Variants in LRMDA observed in about 807,000 individuals in gnomAD.
LRMDA encodes leucine-rich melanocyte differentiation-associated protein.
Under a neutral mutation model 29.8 loss-of-function variants are expected in LRMDA, and 18 were observed. The observed-to-expected ratio is 0.60, with a 90% CI of 0.42 to 0.90. The LOEUF (loss-of-function observed/expected upper bound fraction) is 0.90, where lower values mean the gene tolerates loss of function less well. LRMDA is among the 40% of genes least tolerant of loss of function. The pLI, the probability that LRMDA is intolerant of heterozygous loss-of-function variation, is 0.00. For missense variants in LRMDA, 273 were observed against 273.9 expected, an observed-to-expected ratio of 1.00 and a Z score of 0.02; for synonymous variants, 125 against 109.4, an observed-to-expected ratio of 1.14 and a Z score of -0.89.
chr10:75,776,736 C>T (rs1843316881), intron 2 of LRMDA, among the ~76,000 whole-genome samples: 2 of 152,178 alleles, frequency 1.3e-5, no homozygotes, highest in African/African-American at 4.8e-5. Context: ...CAATTTAAAC[C>T]GCACCTGTTT....
chr10:76,553,862 A>C (rs1564575091), intron 6 of LRMDA, among the ~76,000 whole-genome samples: 2 of 152,084 alleles, frequency 1.3e-5, no homozygotes, highest in Admixed American at 1.3e-4. Context: ...GAGCACCAGC[A>C]GCTGGATCTC....
intron 2 of LRMDA, among the ~76,000 whole-genome samples, chr10:76,024,157 C>T (rs1459414341): frequency 1.3e-5 from 2 of 152,236 alleles, no homozygotes; most frequent in Non-Finnish European, 2.9e-5. Context: ...AGATATTCCT[C>T]ATCAGAACAA....
chr10:75,568,087 G>A (rs1840395181), intron 2 of LRMDA, among the ~76,000 whole-genome samples: 1 of 152,182 alleles, frequency 6.6e-6, no homozygotes, highest in Admixed American at 6.5e-5. Context: ...GTCTTTTTAG[G>A]GGAAGCATGA....
chr10:76,453,449 C>A (rs971567600), intron 6 of LRMDA, among the ~76,000 whole-genome samples: 1 of 152,148 alleles, frequency 6.6e-6, no homozygotes, highest in African/African-American at 2.4e-5. Flanking sequence ...CATGTATTCC[C>A]AAGACTTTCA....
chr10:75,730,063 A>G (rs1380806317), intron 2 of LRMDA, among the ~76,000 whole-genome samples: 2 of 152,136 alleles, frequency 1.3e-5, no homozygotes, highest in East Asian at 1.9e-4. Context: ...GCCTCTGAGC[A>G]AGTGTAATAC....
rs754944817 is a variant in LRMDA at position 76,127,954 on chromosome 10, CAA to C, written c.516+69172_516+69173del. On this transcript the variant is annotated intron_variant, in intron 5 of 6. Transcript: ENST00000611255. ...TTACATATGAATGTAGCATTTTAAC[CAA>C]CTTAAAAAAAAACAACAACAACAAA... Among the ~76,000 whole-genome samples the C allele has an allele frequency of 3.6e-4, 54 of 151,882 alleles. No individual in the cohort carries two copies. The Middle Eastern group carries it at 0.014, about 38-fold the overall frequency.
intron 2 of LRMDA, among the ~76,000 whole-genome samples, chr10:75,899,397 T>G (rs1362579893): frequency 6.6e-6 from 1 of 152,246 alleles, no homozygotes; most frequent in Non-Finnish European, 1.5e-5. Flanking sequence ...GACAGAGATG[T>G]GCCCAGTGTG....
chr10:75,994,541 C>A (rs1206460476), intron 2 of LRMDA, among the ~76,000 whole-genome samples: 1 of 152,072 alleles, frequency 6.6e-6, no homozygotes, highest in Non-Finnish European at 1.5e-5. Context: ...TCCTTAGGTG[C>A]CGGGAGCAGG....
chr10:75,962,070 C>T (rs1271404247), intron 2 of LRMDA, among the ~76,000 whole-genome samples: 1 of 152,204 alleles, frequency 6.6e-6, no homozygotes, highest in South Asian at 2.1e-4. Flanking sequence ...CTGCCCTACT[C>T]CATTATCATT....
intron 6 of LRMDA, among the ~76,000 whole-genome samples, chr10:76,516,995 T>C (rs6480819): frequency 0.25 from 38,465 of 152,128 alleles, 5,686 homozygotes; most frequent in Non-Finnish European, 0.34. Context: ...TAGACTATCA[T>C]TGAAGAGAGA....
chr10:75,870,949 G>T (rs1331721542), intron 2 of LRMDA, among the ~76,000 whole-genome samples: 1 of 152,130 alleles, frequency 6.6e-6, no homozygotes, highest in African/African-American at 2.4e-5. Flanking sequence ...GTTGTCATAA[G>T]ATTTAGAATC....
At chr10:76,287,445 AT>A (rs1354193849) in intron 5 of LRMDA, among the ~76,000 whole-genome samples, 1 of 152,126 alleles carries the variant, frequency 6.6e-6, no homozygotes, top group African/African-American at 2.4e-5. Flanking sequence ...GTCTTATACT[AT>A]TCATTATTGG....
intron 2 of LRMDA, among the ~76,000 whole-genome samples, chr10:75,676,559 C>T (rs796810625): frequency 1.3e-5 from 2 of 152,284 alleles, no homozygotes; most frequent in African/African-American, 4.8e-5. Flanking sequence ...ATCTCAAAGG[C>T]AACGTTTCTT....
intron 6 of LRMDA, among the ~76,000 whole-genome samples, chr10:76,373,894 A>C (rs1480858933): frequency 1.3e-5 from 2 of 152,206 alleles, no homozygotes; most frequent in Non-Finnish European, 2.9e-5. Flanking sequence ...TAGTACTCAG[A>C]GTCCCACATT....
Position 76,015,193 on chromosome 10 carries a change from C to G in LRMDA, c.132-20815C>G, listed in dbSNP as rs147062675. On this transcript the variant is annotated intron_variant, in intron 2 of 6. Transcript: ENST00000611255. Reference sequence around the variant, plus strand: ...ATCTATTGCTAAGTATCAAATTGCCCCCCAATTTAGCAGCATATAACAACA... The same window carrying G: ...ATCTATTGCTAAGTATCAAATTGCCGCCCAATTTAGCAGCATATAACAACA... Among the ~76,000 whole-genome samples the G allele has an allele frequency of 5.5e-3, 836 of 152,274 alleles. 6 individuals are homozygous for G. The highest frequency in any genetic ancestry group is 9.3e-3 in the Non-Finnish European group (632 of 68,028).
chr10:75,671,457 TA>T (rs1469012582), intron 2 of LRMDA, among the ~76,000 whole-genome samples: 1 of 152,020 alleles, frequency 6.6e-6, no homozygotes, highest in East Asian at 1.9e-4. Context: ...TATGCAGCCA[TA>T]AAAAAGAATC....
chr10:75,792,644 G>A (rs1428590894), intron 2 of LRMDA, among the ~76,000 whole-genome samples: 1 of 152,178 alleles, frequency 6.6e-6, no homozygotes, highest in Non-Finnish European at 1.5e-5. Context: ...ACAGCAGGGT[G>A]ATTTAAGAGT....
intron 2 of LRMDA, among the ~76,000 whole-genome samples, chr10:75,774,983 C>T (rs1175632155): frequency 6.6e-6 from 1 of 152,212 alleles, no homozygotes; most frequent in African/African-American, 2.4e-5. Context: ...ATCCCCTGGC[C>T]TAGCCTCAGT....
chr10:75,441,648 T>A (rs767792466), intron 2 of LRMDA, among the ~76,000 whole-genome samples: 1 of 152,154 alleles, frequency 6.6e-6, no homozygotes, highest in Non-Finnish European at 1.5e-5. Flanking sequence ...TTCTCTCTTT[T>A]CCATGCCACT....
Sources: allele counts gnomAD v4.1 joint callset (sites outside exome capture counted in the v4.1 genomes callset), GRCh38; gene constraint gnomAD v4.1.1; transcripts MANE v1.5; gene names NCBI Gene and HGNC (gene_info 2026-07-23, HGNC 2026-07-21).